HDAC9: variants seen among roughly 807,000 people sequenced by gnomAD.
HDAC9 encodes the protein histone deacetylase 9.
Under a neutral mutation model 139.4 loss-of-function variants are expected in HDAC9, and 41 were observed. That is an observed-to-expected ratio of 0.29 (90% CI 0.23 to 0.38). The LOEUF (loss-of-function observed/expected upper bound fraction) is 0.38. Ranked by LOEUF, HDAC9 falls within the 10% of genes least tolerant of loss-of-function variation. HDAC9 has a pLI of 1.00. For synonymous variants in HDAC9, 517 were observed against 476.2 expected (o/e 1.09, Z -1.12); for missense variants, 1,147 against 1,297.0 (o/e 0.88, Z 1.78).
intron 1 of HDAC9, among the ~76,000 whole-genome samples, chr7:18,299,422 C>A (rs1031271496): frequency 6.6e-6 from 1 of 151,834 alleles, no homozygotes; most frequent in African/African-American, 2.4e-5. Context: ...TATTTTTTTT[C>A]CTAGCACTTC....
intron 1 of HDAC9, among the ~76,000 whole-genome samples, chr7:18,439,892 A>G (rs1357690739): frequency 6.6e-6 from 1 of 152,174 alleles, no homozygotes; most frequent in African/African-American, 2.4e-5. Context: ...TGTGGTAAAA[A>G]AATTCAAATC....
intron 2 of HDAC9, among the ~76,000 whole-genome samples, chr7:18,508,844 A>T (rs548229641): frequency 9.8e-5 from 15 of 152,292 alleles, no homozygotes; most frequent in African/African-American, 3.6e-4. Flanking sequence ...TGTACCTACA[A>T]CGTGCCAGGT....
chr7:18,923,721 A>G (rs1803964747), intron 22 of HDAC9, among the ~76,000 whole-genome samples: 1 of 152,090 alleles, frequency 6.6e-6, no homozygotes, highest in Admixed American at 6.6e-5. Context: ...TTCACTCACA[A>G]GTAGACCATG....
intron 23 of HDAC9, chr7:18,949,142 T>G (rs912405558): frequency 3.5e-6 from 1 of 288,600 alleles, no homozygotes; most frequent in African/African-American, 2.3e-5. Flanking sequence ...TTGATGGTTT[T>G]GAGTCTTTTT....
chr7:18,862,185 A>T (rs1798159452), intron 21 of HDAC9, among the ~76,000 whole-genome samples: 1 of 152,216 alleles, frequency 6.6e-6, no homozygotes, highest in Non-Finnish European at 1.5e-5. Flanking sequence ...CCAGGGGCAA[A>T]TCAGTGGATA....
At chr7:18,115,435 A>G (rs374288063) in intron 1 of HDAC9, among the ~76,000 whole-genome samples, 14 of 152,380 alleles carry the variant, frequency 9.2e-5, no homozygotes, top group East Asian at 3.9e-4. Context: ...TTGGTTGCAC[A>G]AGTGCATGAA....
intron 3 of HDAC9, among the ~76,000 whole-genome samples, chr7:18,588,313 C>T (rs781342010): frequency 6.6e-6 from 1 of 152,058 alleles, no homozygotes; most frequent in Non-Finnish European, 1.5e-5. Flanking sequence ...GTTACAAACA[C>T]ATGTTGGGTA....
chr7:18,967,510 A>ACCCC (rs1306367100), intron 24 of HDAC9, among the ~76,000 whole-genome samples: 11 of 137,622 alleles, frequency 8.0e-5, no homozygotes, highest in South Asian at 2.7e-4. Flanking sequence ...CCCCCCCAAA[A>ACCCC]AAAAAAAAGC....
chr7:18,501,246 TATA>T (rs1332505868), intron 2 of HDAC9, among the ~76,000 whole-genome samples: 1 of 152,018 alleles, frequency 6.6e-6, no homozygotes. Context: ...AAACAGATAT[TATA>T]AAGTAGGGGA....
chr7:18,540,028 C>T (rs1328906436), intron 2 of HDAC9, among the ~76,000 whole-genome samples: 5 of 144,642 alleles, frequency 3.5e-5, no homozygotes, highest in East Asian at 2.1e-4. Flanking sequence ...GAGACTGAGG[C>T]GGGTGGATCA....
At chr7:18,389,760 A>G (rs563897337) in intron 1 of HDAC9, among the ~76,000 whole-genome samples, 36 of 152,300 alleles carry the variant, frequency 2.4e-4, no homozygotes, top group African/African-American at 7.5e-4. Flanking sequence ...GGACCAAAAT[A>G]TGGAAAAGGA....
chr7:18,510,339 A>G (rs553600177), intron 2 of HDAC9, among the ~76,000 whole-genome samples: 1 of 152,210 alleles, frequency 6.6e-6, no homozygotes, highest in South Asian at 2.1e-4. Flanking sequence ...TGAAATAGCT[A>G]ATTTAAGACT....
chr7:18,907,159 GA>G (rs1439465605), intron 22 of HDAC9: 1 of 152,202 alleles, frequency 6.6e-6, no homozygotes, highest in Non-Finnish European at 1.5e-5. Flanking sequence ...AATCCTGCAG[GA>G]TGTTGTCCCA....
intron 22 of HDAC9, among the ~76,000 whole-genome samples, chr7:18,928,241 T>A (rs962166600): frequency 2.6e-5 from 4 of 152,218 alleles, no homozygotes; most frequent in African/African-American, 9.6e-5. Context: ...AATTTTGTAA[T>A]AGAAACAGAT....
chr7:18,519,369 T>A (rs146930314), intron 2 of HDAC9, among the ~76,000 whole-genome samples: 26 of 152,278 alleles, frequency 1.7e-4, no homozygotes, highest in African/African-American at 5.8e-4. Context: ...ATATATTAAA[T>A]GCTCAAGAGG....
chr7:18,675,689 T>C (rs1781458541), intron 12 of HDAC9, among the ~76,000 whole-genome samples: 1 of 151,920 alleles, frequency 6.6e-6, no homozygotes. Flanking sequence ...ACATAGAAAA[T>C]GGCAATATGT....
chr7:18,741,496 A>G (rs1657132754), intron 13 of HDAC9, among the ~76,000 whole-genome samples: 1 of 152,136 alleles, frequency 6.6e-6, no homozygotes, highest in South Asian at 2.1e-4. Flanking sequence ...GGGGGGAAAA[A>G]AAGTTCCCTT....
At chr7:18,904,858 A>G (rs1457135193) in intron 22 of HDAC9, among the ~76,000 whole-genome samples, 1 of 151,502 alleles carries the variant, frequency 6.6e-6, no homozygotes, top group Admixed American at 6.6e-5. Flanking sequence ...TACAGGCATG[A>G]GCCGCCGTGC....
intron 21 of HDAC9, among the ~76,000 whole-genome samples, chr7:18,871,237 C>T (rs1023344017): frequency 1.3e-5 from 2 of 152,210 alleles, no homozygotes; most frequent in Admixed American, 1.3e-4. Flanking sequence ...CATATTGGTT[C>T]ACATGTCCTG....
Sources: allele counts gnomAD v4.1 joint callset (sites outside exome capture counted in the v4.1 genomes callset), GRCh38; gene constraint gnomAD v4.1.1; transcripts MANE v1.5; gene names NCBI Gene and HGNC (gene_info 2026-07-23, HGNC 2026-07-21).